CCL28: variants seen among roughly 807,000 people sequenced by gnomAD.
CCL28 encodes C-C motif chemokine ligand 28.
Under a neutral mutation model 7.1 loss-of-function variants are expected in CCL28, and 4 were observed. The ratio of observed to expected loss-of-function variants is 0.56; its 90% CI spans 0.28 to 1.29. The LOEUF is 1.29. Among genes scored for constraint, CCL28 ranks in the 50% most tolerant of loss-of-function variants. The pLI is 0.11. For missense variants in CCL28, 151 were observed against 163.4 expected (o/e 0.92, Z 0.41); for synonymous variants, 55 against 57.8 (o/e 0.95, Z 0.22).
chr5:43,373,909 G>A (rs530839630), downstream of CCL28, among the ~76,000 whole-genome samples: 4 of 152,304 alleles, frequency 2.6e-5, no homozygotes, highest in East Asian at 7.7e-4. Flanking sequence ...AGCAGAAATA[G>A]AGATATGTCT....
At chr5:43,368,464 A>G in the CCL28 span, among the ~76,000 whole-genome samples, 1 of 152,200 alleles carries the variant, frequency 6.6e-6, no homozygotes. Context: ...GGCCAATGGA[A>G]TATGAGGGGA....
chr5:43,374,888 T>C (rs1477389725), downstream of CCL28, among the ~76,000 whole-genome samples: 1 of 151,952 alleles, frequency 6.6e-6, no homozygotes, highest in Non-Finnish European at 1.5e-5. Context: ...AAAGAATGAG[T>C]GAAGCATTTT....
chr5:43,388,740 A>G (rs1047141662), intron 1 of CCL28, among the ~76,000 whole-genome samples: 3 of 152,244 alleles, frequency 2.0e-5, no homozygotes, highest in Admixed American at 2.0e-4. Flanking sequence ...TTCTGGTGGT[A>G]CTGCAGACTG....
the CCL28 span, among the ~76,000 whole-genome samples, chr5:43,365,625 G>A: frequency 1.3e-5 from 2 of 152,034 alleles, no homozygotes; most frequent in African/African-American, 4.8e-5. Flanking sequence ...TGAATCTGAC[G>A]ATTATATATC....
At chr5:43,405,113 C>A (rs1319446204) in intron 1 of CCL28, among the ~76,000 whole-genome samples, 2 of 143,824 alleles carry the variant, frequency 1.4e-5, no homozygotes, top group Non-Finnish European at 2.9e-5. Flanking sequence ...AGAAAGTTAA[C>A]AAAGATATCC....
At chr5:43,374,780 C>CAA (rs10540720), downstream of CCL28, among the ~76,000 whole-genome samples, 27 of 109,402 alleles carry the variant, frequency 2.5e-4, no homozygotes, top group African/African-American at 7.2e-4. Context: ...GACTCTGTCT[C>CAA]AAAAAAAAAA....
At chr5:43,406,460 A>G (rs1318593849) in intron 1 of CCL28, among the ~76,000 whole-genome samples, 1 of 152,200 alleles carries the variant, frequency 6.6e-6, no homozygotes, top group Non-Finnish European at 1.5e-5. Flanking sequence ...CTTCATGCTA[A>G]AAACTCTCAA....
intron 1 of CCL28, among the ~76,000 whole-genome samples, chr5:43,401,536 C>T (rs573915943): frequency 7.1e-4 from 108 of 152,288 alleles, no homozygotes; most frequent in Non-Finnish European, 1.2e-3. Flanking sequence ...AGTTAACTCT[C>T]TGTATCTCAA....
chr5:43,392,837 T>C (rs555739294), intron 1 of CCL28, among the ~76,000 whole-genome samples: 3 of 152,346 alleles, frequency 2.0e-5, no homozygotes, highest in Admixed American at 2.0e-4. Context: ...TAAGAACTCA[T>C]AAAATATTTG....
chr5:43,368,859 T>C, the CCL28 span, among the ~76,000 whole-genome samples: 1 of 152,114 alleles, frequency 6.6e-6, no homozygotes, highest in Admixed American at 6.6e-5. Context: ...ACCCGGTTGA[T>C]ACCTTCAGAC....
chr5:43,397,807 T>C (rs73098687), intron 1 of CCL28, among the ~76,000 whole-genome samples: 1,948 of 152,342 alleles, frequency 0.013, 50 homozygotes, highest in African/African-American at 0.045. Context: ...AATCATATTT[T>C]TCTGTTATTG....
At chr5:43,371,299 T>C in the CCL28 span, among the ~76,000 whole-genome samples, 1 of 152,136 alleles carries the variant, frequency 6.6e-6, no homozygotes, top group African/African-American at 2.4e-5. Flanking sequence ...TACTTTATAT[T>C]TATAGAAACG....
the CCL28 span, among the ~76,000 whole-genome samples, chr5:43,367,089 A>C: frequency 6.6e-6 from 1 of 152,230 alleles, no homozygotes; most frequent in Admixed American, 6.5e-5. Context: ...CCTCCCACCA[A>C]GCTTGAGCAC....
At chr5:43,405,203 G>A (rs554768511) in intron 1 of CCL28, among the ~76,000 whole-genome samples, 24 of 152,222 alleles carry the variant, frequency 1.6e-4, no homozygotes, top group African/African-American at 4.3e-4. Context: ...CAGAATATAC[G>A]TTCTTCTTAG....
chr5:43,406,382 A>C (rs1397736046), intron 1 of CCL28, among the ~76,000 whole-genome samples: 1 of 152,046 alleles, frequency 6.6e-6, no homozygotes, highest in Non-Finnish European at 1.5e-5. Flanking sequence ...TATAAACAGA[A>C]CCAATGACAA....
intron 1 of CCL28, among the ~76,000 whole-genome samples, chr5:43,397,968 G>C (rs1168631618): frequency 6.6e-6 from 1 of 151,948 alleles, no homozygotes; most frequent in Non-Finnish European, 1.5e-5. Context: ...AATTTAGGCA[G>C]AGTTGGGTCA....
At chr5:43,411,697 G>C (rs542235329) in intron 1 of CCL28, among the ~76,000 whole-genome samples, 1 of 152,194 alleles carries the variant, frequency 6.6e-6, no homozygotes, top group Non-Finnish European at 1.5e-5. Flanking sequence ...CTCCCAAGTA[G>C]GTGGGAATAC....
At chr5:43,361,690 T>G in the CCL28 span, among the ~76,000 whole-genome samples, 1 of 152,176 alleles carries the variant, frequency 6.6e-6, no homozygotes, top group African/African-American at 2.4e-5. Context: ...GGGGTCTAGT[T>G]TCAATGTTCT....
chr5:43,386,865 A>G (rs1450605326), intron 2 of CCL28, among the ~76,000 whole-genome samples: 1 of 152,218 alleles, frequency 6.6e-6, no homozygotes, highest in African/African-American at 2.4e-5. Flanking sequence ...TGATCTGCAG[A>G]ACCCAGCTGG....
Sources: gnomAD v4.1 joint callset for allele counts (sites outside exome capture counted in the v4.1 genomes callset) on GRCh38, gnomAD v4.1.1 for gene constraint, MANE v1.5 for transcripts, NCBI Gene and HGNC (gene_info 2026-07-23, HGNC 2026-07-21) for gene names.